The following CNTNAP3B variants were observed in gnomAD, a reference collection of about 807,000 sequenced individuals.
The protein encoded by CNTNAP3B is contactin associated protein family member 3B, also known as contactin-associated protein-like 3B.
A neutral mutation model predicts 108.9 loss-of-function variants in CNTNAP3B; 25 were observed. The ratio of observed to expected loss-of-function variants is 0.23; its 90% CI spans 0.17 to 0.32. The LOEUF is 0.32. Ranked by LOEUF, CNTNAP3B falls within the 10% of genes least tolerant of loss-of-function variation. CNTNAP3B has a pLI of 1.00. For missense variants in CNTNAP3B, 252 were observed against 1,210.4 expected (o/e 0.21, Z 11.75); for synonymous variants, 103 against 473.4 (o/e 0.22, Z 10.16).
intron 13 of CNTNAP3B, among the ~76,000 whole-genome samples, chr9:41,951,873 T>A (rs1168146554): frequency 2.0e-5 from 3 of 152,160 alleles, no homozygotes; most frequent in African/African-American, 4.8e-5. Context: ...GGTCAGGAGT[T>A]CAAGAACAGC....
At chr9:41,928,033 T>A (rs1466148814) in intron 15 of CNTNAP3B, among the ~76,000 whole-genome samples, 4 of 152,084 alleles carry the variant, frequency 2.6e-5, no homozygotes, top group Non-Finnish European at 5.9e-5. Context: ...AATAAGCATA[T>A]TTCATTTTAG....
chr9:42,018,420 T>C lies in CNTNAP3B; in HGVS notation c.391-4895A>G, dbSNP rs1376658967. ...CTTCATGATTCCTCACTGAGGAAGG[T>C]GACTCATGGAAACCTTCACATCTGA... On this transcript the variant is annotated intron_variant, in intron 3 of 23. Transcript: ENST00000377561. Among the ~76,000 whole-genome samples the C allele has an allele frequency of 1.4e-5, 2 of 138,884 alleles. 1 individual carries two copies. Among genetic ancestry groups the C allele is most frequent in the African/African-American group, 5.7e-5 (2 of 34,856 alleles). The allele number at this position is 138,884 out of a possible 152,430, so 91.1% of individuals were successfully genotyped here.
rs748977328 is a variant in CNTNAP3B, at chr9:42,129,126, G to A, written c.-32C>T. 4 of 1,538,610 alleles carry A rather than the reference G, an allele frequency of 2.6e-6. No individual in the cohort carries two copies. The South Asian group carries it at 4.6e-5, about 18-fold the overall frequency. On this transcript the variant is annotated 5_prime_UTR_variant, in exon 1 of 24. Coordinates refer to ENST00000377561, the MANE Select transcript of CNTNAP3B (RefSeq NM_001201380.3). ...TTCAGCCAGGCGCCCTGAGACCCGGGCACGGCGACGGCCGCTCTGCGTCGT... is the reference window on the plus strand; with the variant it reads ...TTCAGCCAGGCGCCCTGAGACCCGGACACGGCGACGGCCGCTCTGCGTCGT...
At chr9:41,920,777 T>A (rs1358645689) in intron 17 of CNTNAP3B, among the ~76,000 whole-genome samples, 1 of 152,312 alleles carries the variant, frequency 6.6e-6, no homozygotes, top group African/African-American at 2.4e-5. Flanking sequence ...ATGGATAAAT[T>A]TCTTACTTGG....
At chr9:42,032,891 C>T (rs1333516481) in intron 3 of CNTNAP3B, among the ~76,000 whole-genome samples, 1 of 135,030 alleles carries the variant, frequency 7.4e-6, no homozygotes, top group East Asian at 2.3e-4. Context: ...CTCTCTCCCC[C>T]TCTCTTCCTA....
At chr9:42,116,288 T>C (rs1443462026) in intron 1 of CNTNAP3B, among the ~76,000 whole-genome samples, 1 of 130,086 alleles carries the variant, frequency 7.7e-6, no homozygotes, top group Admixed American at 7.7e-5. Flanking sequence ...GTCGGGTTAC[T>C]CACAAAGGGA....
At chr9:41,995,857 G>A (rs1186892184) in intron 7 of CNTNAP3B, among the ~76,000 whole-genome samples, 6 of 140,870 alleles carry the variant, frequency 4.3e-5, no homozygotes, top group African/African-American at 1.7e-4. Context: ...CCAACATGGC[G>A]AAACCCCGTC....
intron 11 of CNTNAP3B, among the ~76,000 whole-genome samples, chr9:41,963,596 T>C (rs1208071272): frequency 5.9e-5 from 9 of 151,490 alleles, no homozygotes; most frequent in Non-Finnish European, 5.9e-5. Context: ...ATGAGGAAGG[T>C]TGGTTACAAG....
intron 10 of CNTNAP3B, among the ~76,000 whole-genome samples, chr9:41,966,144 C>A (rs1430270718): frequency 6.6e-6 from 1 of 152,306 alleles, no homozygotes; most frequent in African/African-American, 2.4e-5. Context: ...CACCCTCATA[C>A]CATTTTTAAA....
chr9:41,999,486 C>T (rs1825959579), intron 4 of CNTNAP3B, among the ~76,000 whole-genome samples: 1 of 90,396 alleles, frequency 1.1e-5, no homozygotes, highest in Admixed American at 1.2e-4. Context: ...ACTTGCCAGT[C>T]CTTACAATCA....
intron 15 of CNTNAP3B, among the ~76,000 whole-genome samples, chr9:41,925,949 T>C (rs2117978657): frequency 6.6e-6 from 1 of 152,416 alleles, no homozygotes; most frequent in African/African-American, 2.4e-5. Flanking sequence ...ATCTGCAGGC[T>C]ATTTACTAGG....
At chr9:42,120,615 A>G (rs538852822) in intron 1 of CNTNAP3B, among the ~76,000 whole-genome samples, 1 of 138,172 alleles carries the variant, frequency 7.2e-6, no homozygotes, top group Non-Finnish European at 1.5e-5. Context: ...AATGTGGCAC[A>G]TATACACCAT....
rs140590726 is a variant in CNTNAP3B at position 42,093,355 on chromosome 9, C to A, written c.196+11274G>T. 5.2e-5 allele frequency among the ~76,000 whole-genome samples: 5 copies of A among 95,332 alleles called. 1 individual carries two copies. Among genetic ancestry groups the A allele is most frequent in the Non-Finnish European group, 1.1e-4 (5 of 44,872 alleles). 62.5% of individuals were successfully genotyped at this position (95,332 alleles called of 152,430 possible). A position where few individuals can be genotyped will look rare whatever the true frequency, so the allele number is the denominator to read the frequency against. On this transcript the variant is annotated intron_variant, in intron 2 of 23. Transcript: ENST00000377561. ...GTGAGGCTCCATCTCAAAAACCAAA[C>A]CAAAACAAAACAAATTAAAAAAAAA... is the stretch of plus-strand genomic sequence containing the variant.
rs542154166 is a variant in CNTNAP3B, at chr9:42,109,984, G to A, written c.86-5245C>T. ...GCAACCACAGGAAGCCGGAAGAAACGAAGAATGCATGTCCCCCTAGAGCCT... is the reference window on the plus strand; with the variant it reads ...GCAACCACAGGAAGCCGGAAGAAACAAAGAATGCATGTCCCCCTAGAGCCT... On this transcript the variant is annotated intron_variant, in intron 1 of 23. Coordinates refer to ENST00000377561, the MANE Select transcript of CNTNAP3B (RefSeq NM_001201380.3). Among the ~76,000 whole-genome samples the A allele has an allele frequency of 4.3e-5, 6 of 138,772 alleles. 2 individuals carry two copies. In the East Asian group the frequency reaches 6.6e-4, roughly 15 times the overall value. The allele number at this position is 138,772 out of a possible 152,430, so 91.0% of individuals were successfully genotyped here. A position where few individuals can be genotyped will look rare whatever the true frequency, so the allele number is the denominator to read the frequency against.
Position 42,003,182 on chromosome 9 carries a change from C to T in CNTNAP3B, c.539-4578G>A, listed in dbSNP as rs1265403951. On this transcript the variant is annotated intron_variant, in intron 4 of 23. Coordinates refer to ENST00000377561, the MANE Select transcript of CNTNAP3B (RefSeq NM_001201380.3). ...GGGATTACAGGCATAAGCCACCCCG[C>T]CTGGCCTACTTTCACATTTTTCACA... is the stretch of plus-strand genomic sequence containing the variant. 1.4e-5 allele frequency among the ~76,000 whole-genome samples: 2 copies of T among 138,842 alleles called. 1 individual carries two copies. The highest frequency in any genetic ancestry group is 3.1e-5 in the Non-Finnish European group (2 of 64,560). 91.1% of individuals were successfully genotyped at this position (138,842 alleles called of 152,430 possible). A position where few individuals can be genotyped will look rare whatever the true frequency, so the allele number is the denominator to read the frequency against.
Position 41,950,364 on chromosome 9 carries a change from C to G in CNTNAP3B, c.2080+2819G>C, listed in dbSNP as rs1587135546. Among the ~76,000 whole-genome samples the G allele has an allele frequency of 3.0e-5, 4 of 135,486 alleles. No individual in the cohort carries two copies. In the South Asian group the frequency reaches 7.1e-4, roughly 24 times the overall value. 88.9% of individuals were successfully genotyped at this position (135,486 alleles called of 152,430 possible). On this transcript the variant is annotated intron_variant, in intron 13 of 23. Coordinates refer to ENST00000377561, the MANE Select transcript of CNTNAP3B (RefSeq NM_001201380.3). ...CTAAGTATGCAATTACCATATATGA[C>G]CCACCTATTGCCCTTTGGGGCATTA... is the stretch of plus-strand genomic sequence containing the variant.
chr9:42,108,888 A>T (rs1310450377), intron 1 of CNTNAP3B, among the ~76,000 whole-genome samples: 1 of 140,200 alleles, frequency 7.1e-6, no homozygotes, highest in Non-Finnish European at 1.5e-5. Flanking sequence ...ACCATTTCTT[A>T]GTATTATGTT....
chr9:42,018,277 TG>T (rs2118433589), intron 3 of CNTNAP3B, among the ~76,000 whole-genome samples: 2 of 131,016 alleles, frequency 1.5e-5, no homozygotes, highest in South Asian at 4.9e-4. Flanking sequence ...TAAAAGAATA[TG>T]TACAAATAAA....
intron 12 of CNTNAP3B, among the ~76,000 whole-genome samples, chr9:41,956,028 A>C (rs1824846707): frequency 6.6e-6 from 1 of 152,252 alleles, no homozygotes; most frequent in Non-Finnish European, 1.5e-5. Flanking sequence ...CCTATTTTAT[A>C]ATAAAGTGTT....
Sources: allele counts gnomAD v4.1 joint callset (sites outside exome capture counted in the v4.1 genomes callset), GRCh38; gene constraint gnomAD v4.1.1; transcripts MANE v1.5; gene names NCBI Gene and HGNC (gene_info 2026-07-23, HGNC 2026-07-21).